NRG3: variants seen among roughly 807,000 people sequenced by gnomAD.
The protein encoded by NRG3 is neuregulin 3.
In NRG3, 31 loss-of-function variants were observed where a neutral mutation model predicts 66.9. That is an observed-to-expected ratio of 0.46 (90% confidence interval 0.35 to 0.63). The LOEUF is 0.63. Among genes scored for constraint, NRG3 ranks in the 20% least tolerant of loss-of-function variants. The pLI, the probability that NRG3 is intolerant of heterozygous loss-of-function variation, is 0.00. For synonymous variants in NRG3, 393 were observed against 359.4 expected, an observed-to-expected ratio of 1.09 and a Z score of -1.06; for missense variants, 910 against 878.9, an observed-to-expected ratio of 1.04 and a Z score of -0.45.
intron 3 of NRG3, chr10:82,843,365 T>C (rs1432627734): frequency 3.0e-6 from 1 of 336,374 alleles, no homozygotes; most frequent in Non-Finnish European, 6.2e-6. Context: ...CATCATGGAC[T>C]GATGAGCAGG....
intron 1 of NRG3, among the ~76,000 whole-genome samples, chr10:81,896,673 T>TG (rs398046131): frequency 1.3e-5 from 2 of 151,280 alleles, no homozygotes; most frequent in Admixed American, 6.6e-5. Context: ...TTTTTTTTTT[T>TG]GGTTTTCTTT....
chr10:82,502,960 T>A (rs1844339737), intron 2 of NRG3, among the ~76,000 whole-genome samples: 1 of 152,180 alleles, frequency 6.6e-6, no homozygotes, highest in Non-Finnish European at 1.5e-5. Flanking sequence ...TCTTTTGCCT[T>A]CCAATTTGAT....
At chr10:82,150,275 G>A (rs1258604555) in intron 1 of NRG3, among the ~76,000 whole-genome samples, 1 of 152,042 alleles carries the variant, frequency 6.6e-6, no homozygotes, top group Non-Finnish European at 1.5e-5. Context: ...CCAGGAGCTG[G>A]CAGGTGTTGC....
At chr10:82,768,034 C>G (rs1004991547) in intron 3 of NRG3, among the ~76,000 whole-genome samples, 44 of 152,098 alleles carry the variant, frequency 2.9e-4, no homozygotes, top group African/African-American at 8.2e-4. Context: ...TTTGGAGGCC[C>G]CCAGATACCA....
intron 1 of NRG3, among the ~76,000 whole-genome samples, chr10:82,353,636 A>G (rs550522903): frequency 3.3e-5 from 5 of 152,344 alleles, no homozygotes; most frequent in Admixed American, 2.6e-4. Context: ...AACAAGTGCC[A>G]GATGAGTGAT....
chr10:82,916,896 G>A (rs906028169), intron 4 of NRG3, among the ~76,000 whole-genome samples: 9 of 152,278 alleles, frequency 5.9e-5, no homozygotes, highest in East Asian at 1.9e-4. Context: ...GATTACAGGC[G>A]TAAGCCACTT....
intron 3 of NRG3, among the ~76,000 whole-genome samples, chr10:82,739,661 G>T (rs1211345192): frequency 6.6e-6 from 1 of 152,164 alleles, no homozygotes; most frequent in Non-Finnish European, 1.5e-5. Context: ...TTATTTGAAA[G>T]AAAAAGGTTT....
At chr10:82,467,290 G>T (rs543297384) in intron 2 of NRG3, among the ~76,000 whole-genome samples, 1 of 152,306 alleles carries the variant, frequency 6.6e-6, no homozygotes, top group East Asian at 1.9e-4. Flanking sequence ...TTACATTTAT[G>T]CATTTCCTCT....
intron 2 of NRG3, among the ~76,000 whole-genome samples, chr10:82,688,245 T>C (rs2054661156): frequency 6.6e-6 from 1 of 152,242 alleles, no homozygotes; most frequent in African/African-American, 2.4e-5. Flanking sequence ...CAACGTATTA[T>C]ATTTATGTAC....
chr10:82,694,303 C>T (rs561975438), intron 2 of NRG3, among the ~76,000 whole-genome samples: 4 of 152,176 alleles, frequency 2.6e-5, no homozygotes, highest in Non-Finnish European at 5.9e-5. Context: ...TCTTCAAGTC[C>T]CCACTCAGCC....
chr10:82,603,748 G>T (rs1397548594), intron 2 of NRG3, among the ~76,000 whole-genome samples: 1 of 151,992 alleles, frequency 6.6e-6, no homozygotes, highest in East Asian at 1.9e-4. Context: ...TTAAAAAGTT[G>T]CTTTTATGTA....
At position 82,754,354 on chromosome 10, in the gene NRG3, T is replaced by C. The variant is rs915680744; in HGVS notation, c.1027+15704T>C. Among the ~76,000 whole-genome samples the C allele has an allele frequency of 7.2e-5, 11 of 151,840 alleles. 1 individual carries two copies. ...CATACCCTTCGTTAGCTGTCTTCCA[T>C]ATCCCCCAAAATTTGTATTTGGGTT... On this transcript the variant is annotated intron_variant, in intron 3 of 8. Coordinates refer to ENST00000372141, the MANE Select transcript of NRG3 (RefSeq NM_001010848.4).
intron 1 of NRG3, among the ~76,000 whole-genome samples, chr10:82,133,883 A>G (rs889868991): frequency 1.3e-5 from 2 of 151,942 alleles, no homozygotes; most frequent in African/African-American, 4.8e-5. Context: ...TTCCATCAAG[A>G]GTGTATTTGT....
intron 2 of NRG3, among the ~76,000 whole-genome samples, chr10:82,728,411 T>A (rs1393134946): frequency 1.3e-5 from 2 of 152,164 alleles, no homozygotes; most frequent in Non-Finnish European, 2.9e-5. Flanking sequence ...TAAATGGGTC[T>A]CACAAGATCC....
chr10:82,030,637 T>A (rs1280965143), intron 1 of NRG3, among the ~76,000 whole-genome samples: 1 of 151,954 alleles, frequency 6.6e-6, no homozygotes, highest in African/African-American at 2.4e-5. Flanking sequence ...GATCAAGACT[T>A]GATTTTCCAT....
At chr10:81,995,476 C>T (rs955784928) in intron 1 of NRG3, among the ~76,000 whole-genome samples, 6 of 152,022 alleles carry the variant, frequency 3.9e-5, no homozygotes, top group Non-Finnish European at 8.8e-5. Context: ...ACTCGAAACC[C>T]CTTCATTTAG....
At chr10:81,948,534 C>T (rs184250871) in intron 1 of NRG3, among the ~76,000 whole-genome samples, 90 of 152,292 alleles carry the variant, frequency 5.9e-4, no homozygotes, top group African/African-American at 2.1e-3. Context: ...GCGTTTAGCC[C>T]TTTCTGAGGA....
intron 2 of NRG3, among the ~76,000 whole-genome samples, chr10:82,641,021 T>TG (rs2050542309): frequency 5.6e-4 from 4 of 7,194 alleles, no homozygotes; most frequent in Admixed American, 3.1e-3. Flanking sequence ...TTTTTTTTTT[T>TG]TTTTTTTTTT....
At chr10:82,015,011 G>A (rs895505864) in intron 1 of NRG3, among the ~76,000 whole-genome samples, 4 of 152,104 alleles carry the variant, frequency 2.6e-5, no homozygotes, top group East Asian at 1.9e-4. Context: ...CTCCATAAGC[G>A]GGAAATGTAG....
Sources: allele counts gnomAD v4.1 joint callset (sites outside exome capture counted in the v4.1 genomes callset), GRCh38; gene constraint gnomAD v4.1.1; transcripts MANE v1.5; gene names NCBI Gene and HGNC (gene_info 2026-07-23, HGNC 2026-07-21).